FRMD3: variants seen among roughly 807,000 people sequenced by gnomAD.
FRMD3 encodes the protein FERM domain containing 3.
FRMD3 carries 33 observed loss-of-function variants against 70.2 expected under a neutral mutation model. The ratio of observed to expected loss-of-function variants is 0.47; its 90% CI spans 0.36 to 0.63. FRMD3 has a LOEUF of 0.63. Among genes scored for constraint, FRMD3 ranks in the 20% least tolerant of loss-of-function variants. FRMD3 has a pLI of 0.00. For synonymous variants in FRMD3, 279 were observed against 255.9 expected, an observed-to-expected ratio of 1.09 and a Z score of -0.86; for missense variants, 632 against 711.4, an observed-to-expected ratio of 0.89 and a Z score of 1.27.
chr9:83,439,849 A>C (rs1827246017), intron 1 of FRMD3, among the ~76,000 whole-genome samples: 1 of 152,236 alleles, frequency 6.6e-6, no homozygotes. Flanking sequence ...TAAGTAAACA[A>C]AGATAATGCT....
At chr9:83,522,648 C>G (rs1829600016) in intron 1 of FRMD3, among the ~76,000 whole-genome samples, 1 of 149,750 alleles carries the variant, frequency 6.7e-6, no homozygotes, top group Admixed American at 6.7e-5. Context: ...ACTGCAAGCT[C>G]CGCCTCCCAG....
At chr9:83,273,475 C>T (rs1833682570) in intron 13 of FRMD3, among the ~76,000 whole-genome samples, 1 of 151,690 alleles carries the variant, frequency 6.6e-6, no homozygotes, top group Non-Finnish European at 1.5e-5. Flanking sequence ...TCTCAAGTAC[C>T]CAGGGACACA....
the FRMD3 span, among the ~76,000 whole-genome samples, chr9:83,559,216 G>A: frequency 3.3e-5 from 5 of 152,110 alleles, no homozygotes; most frequent in Admixed American, 1.3e-4. Flanking sequence ...CCATTGATGC[G>A]GCAAACTTTA....
In FRMD3 at chr9:83,344,419, T is replaced by G. The variant is rs145994716; in HGVS notation, c.375-1132A>C. Among the ~76,000 whole-genome samples the G allele has an allele frequency of 2.6e-5, 4 of 152,290 alleles. No individual in the cohort carries two copies. In the East Asian group the frequency reaches 7.7e-4, roughly 29 times the overall value. ...GATACCCAGATATCTGGTTCAACAT[T>G]TTTTCTGGACGAGGGTGATTCTGGA... On this transcript the variant is annotated intron_variant, in intron 4 of 13. Transcript: ENST00000304195.
At chr9:83,325,116 C>G (rs994662064) in intron 6 of FRMD3, among the ~76,000 whole-genome samples, 4 of 152,142 alleles carry the variant, frequency 2.6e-5, no homozygotes, top group Admixed American at 2.6e-4. Flanking sequence ...AATAATGTGT[C>G]ACATGGACAT....
upstream of FRMD3, among the ~76,000 whole-genome samples, chr9:83,542,699 C>T (rs561417263): frequency 1.1e-4 from 17 of 152,184 alleles, no homozygotes; most frequent in Middle Eastern, 3.4e-3. Context: ...GACTTTAAGA[C>T]TTAATATAAA....
At chr9:83,384,447 C>T (rs1169846392) in intron 2 of FRMD3, among the ~76,000 whole-genome samples, 1 of 152,192 alleles carries the variant, frequency 6.6e-6, no homozygotes, top group East Asian at 1.9e-4. Flanking sequence ...AGCTTTTATT[C>T]CATTCCACGT....
the FRMD3 span, among the ~76,000 whole-genome samples, chr9:83,570,384 T>A: frequency 1.3e-5 from 2 of 152,218 alleles, no homozygotes; most frequent in Admixed American, 6.5e-5. Flanking sequence ...GAAATTGCCA[T>A]CTTGGAGGTC....
At chr9:83,290,504 C>T (rs1362021381) in intron 13 of FRMD3, 99 bp downstream of exon 13, 8 of 1,358,214 alleles carry the variant, frequency 5.9e-6, no homozygotes, top group Non-Finnish European at 8.4e-6. Context: ...CCACCCCATA[C>T]ACTAATCAAT....
At chr9:83,381,160 T>C (rs148812940) in intron 2 of FRMD3, among the ~76,000 whole-genome samples, 144 of 152,298 alleles carry the variant, frequency 9.5e-4, no homozygotes, top group African/African-American at 2.7e-3. Flanking sequence ...TGGTTTCCAT[T>C]CCAGTTTCAA....
intron 13 of FRMD3, chr9:83,279,174 A>G (rs1833887248): frequency 6.6e-6 from 1 of 152,164 alleles, no homozygotes; most frequent in Admixed American, 6.5e-5. Context: ...CCATTATCAC[A>G]TTTCTAATGT....
At chr9:83,433,901 G>A (rs900414654) in intron 1 of FRMD3, among the ~76,000 whole-genome samples, 4 of 152,190 alleles carry the variant, frequency 2.6e-5, no homozygotes, top group Admixed American at 2.6e-4. Context: ...CTCACCTCCT[G>A]CTGTGCAGCC....
At chr9:83,265,217 G>A (rs980720204) in intron 13 of FRMD3, among the ~76,000 whole-genome samples, 2 of 151,844 alleles carry the variant, frequency 1.3e-5, no homozygotes, top group East Asian at 1.9e-4. Flanking sequence ...TGGCTAACAC[G>A]GTGAAACCCC....
chr9:83,344,262 G>T (rs1361102348), intron 4 of FRMD3, among the ~76,000 whole-genome samples: 2 of 152,214 alleles, frequency 1.3e-5, no homozygotes, highest in Non-Finnish European at 2.9e-5. Flanking sequence ...TTCCTTTAGA[G>T]TTTAACTCTC....
At chr9:83,435,360 G>A (rs78687330) in intron 1 of FRMD3, among the ~76,000 whole-genome samples, 1,878 of 152,142 alleles carry the variant, frequency 0.012, 48 homozygotes, top group African/African-American at 0.043. Flanking sequence ...TCCTGCTTAA[G>A]AGAAAGTTTG....
At chr9:83,519,393 G>A (rs1262626403) in intron 1 of FRMD3, among the ~76,000 whole-genome samples, 3 of 152,140 alleles carry the variant, frequency 2.0e-5, no homozygotes, top group Non-Finnish European at 4.4e-5. Context: ...ATGAAAAAAA[G>A]CTCATCATCA....
At chr9:83,383,966 C>A (rs1158910939) in intron 2 of FRMD3, among the ~76,000 whole-genome samples, 1 of 152,208 alleles carries the variant, frequency 6.6e-6, no homozygotes, top group Admixed American at 6.5e-5. Context: ...TCTGCTGAAG[C>A]AATCTGACAA....
chr9:83,510,178 G>C (rs34570769), intron 1 of FRMD3, among the ~76,000 whole-genome samples: 14,304 of 152,194 alleles, frequency 0.094, 934 homozygotes, highest in Middle Eastern at 0.23. Context: ...CCTGGGAAGA[G>C]GAGGGCTCCA....
the FRMD3 span, among the ~76,000 whole-genome samples, chr9:83,562,544 T>C: frequency 1.3e-5 from 2 of 152,184 alleles, no homozygotes; most frequent in Non-Finnish European, 2.9e-5. Flanking sequence ...CAGAAATAAA[T>C]GCAGGAACAT....
Sources: allele counts gnomAD v4.1 joint callset (sites outside exome capture counted in the v4.1 genomes callset), GRCh38; gene constraint gnomAD v4.1.1; transcripts MANE v1.5; gene names NCBI Gene and HGNC (gene_info 2026-07-23, HGNC 2026-07-21).